LAMA4: variants seen among roughly 807,000 people sequenced by gnomAD.
LAMA4 encodes the protein laminin subunit alpha-4.
A neutral mutation model predicts 207.1 loss-of-function variants in LAMA4; 127 were observed. The ratio of observed to expected loss-of-function variants is 0.61; its 90% CI spans 0.53 to 0.71. The LOEUF (loss-of-function observed/expected upper bound fraction) is 0.71. Among genes scored for constraint, LAMA4 ranks in the 30% least tolerant of loss-of-function variants. The probability of loss-of-function intolerance (pLI) is 0.00; values close to 1 mark genes in which losing one functional copy is unlikely to be tolerated. For missense variants in LAMA4, 2,093 were observed against 2,246.5 expected (o/e 0.93, Z 1.38); for synonymous variants, 761 against 816.0 (o/e 0.93, Z 1.15).
intron 10 of LAMA4, among the ~76,000 whole-genome samples, chr6:112,177,896 T>G (rs1782116239): frequency 6.6e-6 from 1 of 152,234 alleles, no homozygotes. Flanking sequence ...AATGATTTTA[T>G]ACATTGATTA....
intron 31 of LAMA4, 42 bp from the exon 32 acceptor site, chr6:112,122,243 A>G: frequency 1.4e-6 from 2 of 1,446,214 alleles, no homozygotes; most frequent in Middle Eastern, 1.7e-4. Context: ...GTGACATACT[A>G]GCAGCAAAAA....
At chr6:112,180,563 T>C (rs1782296071) in intron 9 of LAMA4, among the ~76,000 whole-genome samples, 1 of 152,248 alleles carries the variant, frequency 6.6e-6, no homozygotes, top group Non-Finnish European at 1.5e-5. Context: ...GTTGGTGGTT[T>C]ACATTACAAA....
intron 16 of LAMA4, among the ~76,000 whole-genome samples, chr6:112,151,902 T>C (rs556150547): frequency 1.3e-5 from 2 of 152,280 alleles, no homozygotes; most frequent in South Asian, 4.1e-4. Flanking sequence ...CTGCATGTAG[T>C]GAGATGATCA....
At chr6:112,218,181 T>C (rs1293021170) in intron 2 of LAMA4, 1 of 152,066 alleles carries the variant, frequency 6.6e-6, no homozygotes, top group Non-Finnish European at 1.5e-5. Context: ...TGGGTAAGAG[T>C]AGTGACGGTC....
At chr6:112,113,889 G>A (rs1777850967) in intron 38 of LAMA4, among the ~76,000 whole-genome samples, 187 bp downstream of exon 38, 1 of 152,172 alleles carries the variant, frequency 6.6e-6, no homozygotes, top group African/African-American at 2.4e-5. Flanking sequence ...AATAGCCACT[G>A]GCTGGAATGC....
Position 112,114,604 on chromosome 6 carries a change from G to T in LAMA4, c.5206+59C>A, listed in dbSNP as rs11969913. On this transcript the variant is annotated intron_variant, in intron 37 of 38. Transcript: ENST00000230538. ...TCATATAAGTGATAGCCTAAGTTCT[G>T]CCAGATCATAATCTTACAGTTGGGT... The T allele has an allele frequency of 0.25, 278,773 of 1,115,008 alleles. 36,118 individuals carry two copies. The highest frequency in any genetic ancestry group is 0.33 in the East Asian group (13,831 of 42,486). The allele number at this position is 1,115,008 out of a possible 1,614,324, so 69.1% of individuals were successfully genotyped here. A position where few individuals can be genotyped will look rare whatever the true frequency, so the allele number is the denominator to read the frequency against.
Position 112,140,787 on chromosome 6 carries a change from A to G in LAMA4, c.2949T>C (p.Tyr983=). The G allele has an allele frequency of 1.9e-6, 3 of 1,614,120 alleles. No homozygotes were observed. Among genetic ancestry groups the G allele is most frequent in the Non-Finnish European group, 2.5e-6 (3 of 1,179,990 alleles). ...LDLDPEDTVF[Y]VGGVPSNFKL... is the part of the protein sequence containing the mutation. Reference sequence around the variant, plus strand: ...TGAAGTTGGAAGGCACTCCACCAACATAAAACACTGTGTCCTCAGGGTCCA... The same window carrying G: ...TGAAGTTGGAAGGCACTCCACCAACGTAAAACACTGTGTCCTCAGGGTCCA... Residue 983 remains tyrosine, a synonymous_variant, in exon 22 of 39, where the codon TAT becomes TAC. Coordinates refer to ENST00000230538, the MANE Select transcript of LAMA4 (RefSeq NM_001105206.3).
intron 26 of LAMA4, 74 bp downstream of exon 26, chr6:112,134,391 GTT>G: frequency 6.8e-7 from 1 of 1,459,940 alleles, no homozygotes; most frequent in Non-Finnish European, 9.6e-7. Context: ...TGCGTACACT[GTT>G]ACTAGACCTC....
chr6:112,214,276 A>T (rs1189226197), intron 3 of LAMA4, among the ~76,000 whole-genome samples: 2 of 151,772 alleles, frequency 1.3e-5, no homozygotes, highest in Admixed American at 1.3e-4. Flanking sequence ...TACAGATGGG[A>T]TCTCATTATG....
Position 112,201,639 on chromosome 6 carries a change from T to G in LAMA4, c.472A>C (p.Asn158His). The change falls in exon 5 of 39, where the codon AAC (asparagine) becomes CAC (histidine). Residue 158 changes from asparagine (N) to histidine (H), a missense_variant. Around this residue, in one of 3 missense-constraint regions of LAMA4, gnomAD observed 1,704 missense variants for 1,788.4 expected, o/e 0.95. Coordinates refer to ENST00000230538, the MANE Select transcript of LAMA4 (RefSeq NM_001105206.3). The part of the protein sequence containing the change: ...RKNGAVRCIC[N>H]ENYAGPNCER... The stretch of plus-strand genomic sequence containing the variant: ...CAGTTAGGTCCAGCATAATTTTCGT[T>G]ACAAATGCACCGAACAGCTCCATTT... The G allele has an allele frequency of 6.2e-7, 1 of 1,614,002 alleles. No homozygotes were observed.
chr6:112,220,614 T>C (rs1402131288), intron 2 of LAMA4, among the ~76,000 whole-genome samples: 2 of 151,982 alleles, frequency 1.3e-5, no homozygotes, highest in Non-Finnish European at 2.9e-5. Context: ...TATAATGAAT[T>C]AAGATTGTTT....
chr6:112,166,129 G>A (rs914249700), intron 12 of LAMA4: 3 of 152,102 alleles, frequency 2.0e-5, no homozygotes, highest in Non-Finnish European at 4.4e-5. Context: ...AATTATAGAA[G>A]CCTAGATAGA....
At chr6:112,146,708 G>A (rs1037491888) in intron 18 of LAMA4, among the ~76,000 whole-genome samples, 1 of 152,192 alleles carries the variant, frequency 6.6e-6, no homozygotes, top group South Asian at 2.1e-4. Flanking sequence ...TGTCAGTGCA[G>A]ATCAAGGAAA....
chr6:112,155,806 C>T (rs1233313520), intron 14 of LAMA4, 100 bp from the exon 15 acceptor site: 4 of 1,362,624 alleles, frequency 2.9e-6, no homozygotes, highest in East Asian at 2.3e-5. Flanking sequence ...ATCACAGATG[C>T]TTCCTTCCTG....
At chr6:112,189,260 G>A (rs1198960311) in intron 6 of LAMA4, 55 bp from the exon 7 acceptor site, 2 of 1,239,550 alleles carry the variant, frequency 1.6e-6, no homozygotes, top group East Asian at 4.7e-5. Flanking sequence ...CTTAAAATAT[G>A]GCAATATTTT....
chr6:112,176,189 G>C (rs1024657454), intron 10 of LAMA4, among the ~76,000 whole-genome samples: 1 of 152,198 alleles, frequency 6.6e-6, no homozygotes, highest in Admixed American at 6.5e-5. Context: ...GAGAATTTTA[G>C]AACTGGAGGG....
chr6:112,238,143 G>A (rs1786070139), intron 2 of LAMA4, among the ~76,000 whole-genome samples: 1 of 152,154 alleles, frequency 6.6e-6, no homozygotes, highest in Non-Finnish European at 1.5e-5. Context: ...AGTCACCTGG[G>A]AATGTTCCAC....
intron 4 of LAMA4, among the ~76,000 whole-genome samples, chr6:112,205,494 A>C (rs1347749882): frequency 1.3e-5 from 2 of 152,182 alleles, no homozygotes; most frequent in Non-Finnish European, 2.9e-5. Flanking sequence ...CTTTTCTGAG[A>C]TCACACAGGT....
intron 13 of LAMA4, among the ~76,000 whole-genome samples, chr6:112,162,439 T>G (rs1554338636): frequency 6.6e-6 from 1 of 151,750 alleles, no homozygotes; most frequent in Non-Finnish European, 1.5e-5. Context: ...TCCATTGCAC[T>G]CCAGCCTGGG....
Sources: allele counts gnomAD v4.1 joint callset (sites outside exome capture counted in the v4.1 genomes callset), GRCh38; gene constraint gnomAD v4.1.1; regional missense constraint gnomAD v4.1.1; transcripts MANE v1.5; gene names NCBI Gene and HGNC (gene_info 2026-07-23, HGNC 2026-07-21).